Variants in FN1 observed in about 807,000 individuals in gnomAD.
FN1 encodes the protein fibronectin.
FN1 carries 106 observed loss-of-function variants against 297.3 expected under a neutral mutation model. That is an observed-to-expected ratio of 0.36 (90% CI 0.30 to 0.42). The LOEUF is 0.42. Ranked by LOEUF, FN1 falls within the 10% of genes least tolerant of loss-of-function variation. The probability of loss-of-function intolerance (pLI) is 1.00; values close to 1 mark genes in which losing one functional copy is unlikely to be tolerated. For missense variants in FN1, 2,690 were observed against 3,124.9 expected (o/e 0.86, Z 3.32); for synonymous variants, 1,149 against 1,152.6 (o/e 1.00, Z 0.06).
intron 35 of FN1, among the ~76,000 whole-genome samples, chr2:215,377,052 GTGTGTA>G (rs1339892158): frequency 7.2e-6 from 1 of 138,652 alleles, no homozygotes; most frequent in Non-Finnish European, 1.5e-5. Flanking sequence ...GTGTGTGTGT[GTGTGTA>G]TGTGTGTGTG....
At position 215,384,015 on chromosome 2, in the gene FN1, T is replaced by G; in HGVS notation, c.4894+5A>C. 6.2e-7 allele frequency: 1 copy of G among 1,614,016 alleles called. No homozygotes were observed. The highest frequency in any genetic ancestry group is 8.5e-7 in the Non-Finnish European group (1 of 1,179,892). The stretch of plus-strand genomic sequence containing the variant: ...CTGGTGTCACCCCAGAGTAGAAGTT[T>G]GTACCTGTTCGGTAATTAATGGAAA... On this transcript the variant is annotated splice_donor_5th_base_variant and intron_variant, in intron 30 of 45. Coordinates refer to ENST00000354785, the MANE Select transcript of FN1 (RefSeq NM_212482.4).
intron 6 of FN1, among the ~76,000 whole-genome samples, chr2:215,425,701 C>T (rs1022854852): frequency 6.6e-6 from 1 of 151,998 alleles, no homozygotes; most frequent in Non-Finnish European, 1.5e-5. Flanking sequence ...TACAGGCACG[C>T]ACCACCATGC....
chr2:215,432,471 T>C (rs77619051), intron 3 of FN1, among the ~76,000 whole-genome samples: 1,889 of 152,296 alleles, frequency 0.012, 45 homozygotes, highest in African/African-American at 0.043. Flanking sequence ...TTAAGCCCAA[T>C]GGCACATTCA....
chr2:215,389,673 C>G (rs1039183423), intron 26 of FN1, among the ~76,000 whole-genome samples: 1 of 152,056 alleles, frequency 6.6e-6, no homozygotes, highest in African/African-American at 2.4e-5. Context: ...GCCTGTAATC[C>G]CAGCTACTCG....
chr2:215,379,282 C>A lies in FN1; in HGVS notation c.5470G>T (p.Val1824Phe). The change falls in exon 34 of 46, where the codon GTC becomes TTC. Residue 1824 changes from valine (V) to phenylalanine (F), a missense_variant. Val to Phe is a conservative substitution (Grantham distance 50). Coordinates refer to ENST00000354785, the MANE Select transcript of FN1 (RefSeq NM_212482.4). The stretch of plus-strand genomic sequence containing the variant: ...TGGGCGCTCAGGCTTGTGGGTGTGA[C>A]CTGAGTGAACTTCAGGTCAGTTGGT... ...PAPTDLKFTQ[V>F]TPTSLSAQWT... 1 of 1,613,960 alleles carries A rather than the reference C, an allele frequency of 6.2e-7. No individual in the cohort carries two copies. The highest frequency in any genetic ancestry group is 8.5e-7 in the Non-Finnish European group (1 of 1,179,988).
intron 38 of FN1, among the ~76,000 whole-genome samples, chr2:215,374,346 A>G (rs1355768644): frequency 6.6e-6 from 1 of 152,230 alleles, no homozygotes; most frequent in Non-Finnish European, 1.5e-5. Context: ...TACTCTATAC[A>G]GACTGATATG....
Position 215,435,643 on chromosome 2 carries a change from G to A in FN1, c.148+12C>T. On this transcript the variant is annotated intron_variant, in intron 1 of 45. Coordinates refer to ENST00000354785, the MANE Select transcript of FN1 (RefSeq NM_212482.4). ...CTGAGGCAGCCTGTTTCAGCCCGCGGTCAGTACTCACGCTTGCTTTGACTG... is the reference window on the plus strand; with the variant it reads ...CTGAGGCAGCCTGTTTCAGCCCGCGATCAGTACTCACGCTTGCTTTGACTG... 1.2e-6 allele frequency: 2 copies of A among 1,613,476 alleles called. No individual in the cohort carries two copies. Among genetic ancestry groups the A allele is most frequent in the Non-Finnish European group, 1.7e-6 (2 of 1,179,952 alleles).
Position 215,406,323 on chromosome 2 carries a change from C to G in FN1, c.2901G>C (p.Leu967=), listed in dbSNP as rs995324119. The G allele has an allele frequency of 1.1e-5, 17 of 1,614,094 alleles. 1 individual carries two copies. The Middle Eastern group carries it at 2.3e-3, about 218-fold the overall frequency. The change falls in exon 19 of 46, where the codon CTG becomes CTC. Residue 967 remains leucine, a synonymous_variant. Coordinates refer to ENST00000354785, the MANE Select transcript of FN1 (RefSeq NM_212482.4). ...SRNTFAEVTG[L]SPGVTYYFKV... ...TGAAGTAATAGGTGACCCCAGGGGA[C>G]AGCCCGGTGACTTCTGCAAAGGTGT...
intron 26 of FN1, among the ~76,000 whole-genome samples, chr2:215,389,167 G>T (rs1462829530): frequency 6.6e-6 from 1 of 152,058 alleles, no homozygotes; most frequent in Admixed American, 6.6e-5. Flanking sequence ...GCAGTGGTGT[G>T]ATCTTGGCTC....
chr2:215,396,729 T>C (rs774129319), intron 23 of FN1, among the ~76,000 whole-genome samples: 1 of 152,324 alleles, frequency 6.6e-6, no homozygotes, highest in East Asian at 1.9e-4. Flanking sequence ...GTGCAACCCA[T>C]GACAAAACAT....
intron 26 of FN1, among the ~76,000 whole-genome samples, chr2:215,390,377 G>A (rs1317492934): frequency 1.3e-5 from 2 of 152,092 alleles, no homozygotes; most frequent in East Asian, 1.9e-4. Context: ...TAGAGACTTG[G>A]TCTCACTGTG....
At chr2:215,372,841 C>T (rs903068391) in intron 39 of FN1, among the ~76,000 whole-genome samples, 1 of 152,128 alleles carries the variant, frequency 6.6e-6, no homozygotes, top group Non-Finnish European at 1.5e-5. Context: ...ATAAAACACA[C>T]ATGTTCATTT....
chr2:215,389,619 G>A (rs879807874), intron 26 of FN1, among the ~76,000 whole-genome samples: 7 of 151,060 alleles, frequency 4.6e-5, no homozygotes, highest in Non-Finnish European at 8.8e-5. Flanking sequence ...GAAACCCCTC[G>A]TCTACTAAAA....
At chr2:215,421,233 T>C (rs1575756615) in intron 10 of FN1, 2 of 244,072 alleles carry the variant, frequency 8.2e-6, no homozygotes, top group East Asian at 1.1e-4. Flanking sequence ...GTCTCTGGAA[T>C]AGGGGGAAGG....
At position 215,393,226 on chromosome 2, in the gene FN1, G is replaced by A. The variant is rs771215039; in HGVS notation, c.3797-23C>T. The A allele has an allele frequency of 1.9e-6, 3 of 1,609,524 alleles. No individual in the cohort carries two copies. The South Asian group carries it at 3.3e-5, about 18-fold the overall frequency. On this transcript the variant is annotated intron_variant, in intron 24 of 45. Coordinates refer to ENST00000354785, the MANE Select transcript of FN1 (RefSeq NM_212482.4). ...CCTCTATTGAGTTACAAAGCAAAGG[G>A]AGGGGGAGGCAAAAGGAAAATAGAG...
chr2:215,406,535 A>G, intron 18 of FN1, 25 bp from the exon 19 acceptor site: 3 of 1,611,788 alleles, frequency 1.9e-6, no homozygotes, highest in Non-Finnish European at 2.5e-6. Context: ...TCAACTGGTC[A>G]TTCACATTCT....
Position 215,414,433 on chromosome 2 carries a change from C to CT in FN1, c.1941+403dup, listed in dbSNP as rs978972485. Among the ~76,000 whole-genome samples, 146 of 150,756 alleles carry CT rather than the reference C, an allele frequency of 9.7e-4. 1 individual carries two copies. Among genetic ancestry groups the CT allele is most frequent in the African/African-American group, 3.2e-3 (131 of 41,098 alleles). ...TCAAAAAAGAAATATATTAATTTGG[C>CT]TTTTTTTTTCAAATTATGAAAATGA... is the stretch of plus-strand genomic sequence containing the variant. On this transcript the variant is annotated intron_variant, in intron 13 of 45. Transcript: ENST00000354785.
intron 27 of FN1, 23 bp from the exon 28 acceptor site, chr2:215,386,981 G>GA: frequency 6.3e-7 from 1 of 1,592,774 alleles, no homozygotes. Context: ...CCCGGGGGAG[G>GA]AAGAGAAAAA....
At chr2:215,368,954 A>G (rs1353743248) in intron 41 of FN1, among the ~76,000 whole-genome samples, 1 of 152,154 alleles carries the variant, frequency 6.6e-6, no homozygotes, top group Non-Finnish European at 1.5e-5. Context: ...TGCAAAACTC[A>G]AAAGCTCAAA....
Sources: gnomAD v4.1 joint callset for allele counts (sites outside exome capture counted in the v4.1 genomes callset) on GRCh38, gnomAD v4.1.1 for gene constraint, MANE v1.5 for transcripts, NCBI Gene and HGNC (gene_info 2026-07-23, HGNC 2026-07-21) for gene names.